PRR5L: variants seen among roughly 807,000 people sequenced by gnomAD.
PRR5L encodes the protein proline rich 5 like.
Under a neutral mutation model 36.4 loss-of-function variants are expected in PRR5L, and 21 were observed. The ratio of observed to expected loss-of-function variants is 0.58; its 90% CI spans 0.41 to 0.83. The LOEUF is 0.83. Among genes scored for constraint, PRR5L ranks in the 40% least tolerant of loss-of-function variants. PRR5L has a pLI of 0.00. For synonymous variants in PRR5L, 188 were observed against 197.0 expected (o/e 0.95, Z 0.38); for missense variants, 381 against 473.3 (o/e 0.80, Z 1.81).
chr11:36,388,846 C>T (rs908601510), intron 1 of PRR5L, among the ~76,000 whole-genome samples: 4 of 152,092 alleles, frequency 2.6e-5, no homozygotes, highest in African/African-American at 9.7e-5. Context: ...CTACAGGCGC[C>T]CGCCACCAAG....
At chr11:36,316,714 G>A (rs1478054517) in intron 1 of PRR5L, among the ~76,000 whole-genome samples, 2 of 152,160 alleles carry the variant, frequency 1.3e-5, no homozygotes, top group African/African-American at 4.8e-5. Context: ...ATCCCTAGGA[G>A]CAATTTGGGA....
At chr11:36,378,592 T>A (rs1163995853) in intron 1 of PRR5L, among the ~76,000 whole-genome samples, 1 of 152,170 alleles carries the variant, frequency 6.6e-6, no homozygotes, top group Admixed American at 6.5e-5. Context: ...TTCTCAAGGG[T>A]GGGACCTCAT....
At chr11:36,374,631 C>G (rs1857235040) in intron 1 of PRR5L, among the ~76,000 whole-genome samples, 1 of 152,158 alleles carries the variant, frequency 6.6e-6, no homozygotes, top group Non-Finnish European at 1.5e-5. Flanking sequence ...GTTCCCTTTC[C>G]ACTTCCCAGG....
intron 3 of PRR5L, among the ~76,000 whole-genome samples, chr11:36,410,482 T>C (rs531713840): frequency 1.3e-5 from 2 of 152,308 alleles, no homozygotes; most frequent in South Asian, 4.1e-4. Context: ...TACCAATGTA[T>C]GGCCCCTGGC....
chr11:36,302,086 T>G (rs542423226), intron 1 of PRR5L, among the ~76,000 whole-genome samples: 1 of 152,344 alleles, frequency 6.6e-6, no homozygotes, highest in Non-Finnish European at 1.5e-5. Flanking sequence ...GCTTTTGGCT[T>G]TTCTGTGTGA....
intron 3 of PRR5L, among the ~76,000 whole-genome samples, chr11:36,417,814 C>G (rs1858178754): frequency 1.3e-5 from 2 of 152,180 alleles, no homozygotes; most frequent in African/African-American, 4.8e-5. Flanking sequence ...AGTGAATACT[C>G]AGCAAGCGTC....
intron 1 of PRR5L, among the ~76,000 whole-genome samples, chr11:36,306,317 C>T (rs1431917728): frequency 6.6e-6 from 1 of 152,126 alleles, no homozygotes; most frequent in Non-Finnish European, 1.5e-5. Context: ...ACCTATTGTT[C>T]AAAACCCACA....
intron 3 of PRR5L, among the ~76,000 whole-genome samples, chr11:36,413,949 G>A (rs1269649615): frequency 6.9e-6 from 1 of 144,248 alleles, no homozygotes; most frequent in African/African-American, 2.6e-5. Flanking sequence ...ACCTATGAGT[G>A]AGAACATGCG....
chr11:36,334,318 T>A (rs1565394951), intron 1 of PRR5L, among the ~76,000 whole-genome samples: 1 of 152,216 alleles, frequency 6.6e-6, no homozygotes. Context: ...GTTTTCAAAA[T>A]GTACATCTGA....
chr11:36,381,890 G>A (rs1857374736), intron 1 of PRR5L, among the ~76,000 whole-genome samples: 1 of 151,940 alleles, frequency 6.6e-6, no homozygotes, highest in Non-Finnish European at 1.5e-5. Flanking sequence ...CGGGCGCGGT[G>A]GCTCACATCT....
chr11:36,399,584 A>C (rs1351105768), intron 1 of PRR5L, among the ~76,000 whole-genome samples: 2 of 152,358 alleles, frequency 1.3e-5, no homozygotes, highest in East Asian at 3.9e-4. Flanking sequence ...TAAGGCTAGA[A>C]TATCTTTTTC....
chr11:36,336,568 G>A (rs1032451731), intron 1 of PRR5L, among the ~76,000 whole-genome samples: 11 of 143,094 alleles, frequency 7.7e-5, no homozygotes, highest in Admixed American at 7.4e-4. Flanking sequence ...TAATGCTAGC[G>A]CTGGTATGTC....
chr11:36,388,521 C>T (rs1565435512), intron 1 of PRR5L, among the ~76,000 whole-genome samples: 1 of 152,162 alleles, frequency 6.6e-6, no homozygotes, highest in Non-Finnish European at 1.5e-5. Flanking sequence ...CTACCCAGCT[C>T]CTTGCCCTAG....
At chr11:36,375,884 T>G (rs1321689532) in intron 1 of PRR5L, 8 of 254,804 alleles carry the variant, frequency 3.1e-5, no homozygotes. Flanking sequence ...TTTTCATCAA[T>G]GCACTTAAAA....
At chr11:36,432,256 T>C (rs1858515824) in intron 5 of PRR5L, among the ~76,000 whole-genome samples, 1 of 152,140 alleles carries the variant, frequency 6.6e-6, no homozygotes, top group Admixed American at 6.6e-5. Context: ...GAATCCTCCA[T>C]GCTATTTCCT....
intron 1 of PRR5L, among the ~76,000 whole-genome samples, chr11:36,330,520 G>A (rs1266341196): frequency 6.6e-6 from 1 of 152,110 alleles, no homozygotes; most frequent in Non-Finnish European, 1.5e-5. Context: ...CCCTTTCCGT[G>A]GGTCTTGAGA....
At chr11:36,424,603 G>A (rs1373485714) in intron 4 of PRR5L, among the ~76,000 whole-genome samples, 2 of 152,200 alleles carry the variant, frequency 1.3e-5, no homozygotes, top group African/African-American at 4.8e-5. Context: ...AAGCAATAAG[G>A]TGACTTTCTC....
At chr11:36,348,535 G>A (rs1376471649) in intron 1 of PRR5L, among the ~76,000 whole-genome samples, 1 of 152,162 alleles carries the variant, frequency 6.6e-6, no homozygotes, top group African/African-American at 2.4e-5. Context: ...TGTCTGCCTT[G>A]CCCATTTGGG....
rs2133644471 is a variant in PRR5L, at chr11:36,464,083, G to A, written c.*1347G>A. 1 of 152,342 alleles carries A rather than the reference G, an allele frequency of 6.6e-6. No homozygotes were observed. Among genetic ancestry groups the A allele is most frequent in the Non-Finnish European group, 1.5e-5 (1 of 68,054 alleles). 9.4% of individuals were successfully genotyped at this position (152,342 alleles called of 1,614,324 possible). A position where few individuals can be genotyped will look rare whatever the true frequency, so the allele number is the denominator to read the frequency against. On this transcript the variant is annotated 3_prime_UTR_variant, in exon 9 of 9. Coordinates refer to ENST00000530639, the MANE Select transcript of PRR5L (RefSeq NM_001160167.2). ...GAAGCACTTGGGGGCAGCAGGCCTT[G>A]GCACGGTGCTGCATCCTTCTACTGC...
Sources: gnomAD v4.1 joint callset for allele counts (sites outside exome capture counted in the v4.1 genomes callset) on GRCh38, gnomAD v4.1.1 for gene constraint, MANE v1.5 for transcripts, NCBI Gene and HGNC (gene_info 2026-07-23, HGNC 2026-07-21) for gene names.